The following ANKRD28 variants were observed in gnomAD, a reference collection of about 807,000 sequenced individuals.
ANKRD28 encodes the protein ankyrin repeat domain 28.
A neutral mutation model predicts 126.5 loss-of-function variants in ANKRD28; 44 were observed. The observed-to-expected ratio is 0.35, with a 90% CI of 0.27 to 0.45. The LOEUF (loss-of-function observed/expected upper bound fraction) is 0.45, where lower values mean the gene tolerates loss of function less well. Ranked by LOEUF, ANKRD28 falls within the 20% of genes least tolerant of loss-of-function variation. The probability of loss-of-function intolerance (pLI) is 1.00; values close to 1 mark genes in which losing one functional copy is unlikely to be tolerated. For synonymous variants in ANKRD28, 442 were observed against 468.5 expected (o/e 0.94, Z 0.73); for missense variants, 1,110 against 1,316.6 (o/e 0.84, Z 2.43).
At chr3:15,829,041 T>A (rs930180731) in intron 1 of ANKRD28, among the ~76,000 whole-genome samples, 9 of 152,216 alleles carry the variant, frequency 5.9e-5, no homozygotes, top group African/African-American at 1.7e-4. Flanking sequence ...AGGCTGTTTT[T>A]AAAATTTTTG....
intron 14 of ANKRD28, among the ~76,000 whole-genome samples, chr3:15,703,870 T>C (rs1200583342): frequency 6.6e-6 from 1 of 152,208 alleles, no homozygotes; most frequent in Non-Finnish European, 1.5e-5. Flanking sequence ...TTATAACATA[T>C]ACCAGGACTT....
At chr3:15,680,074 C>T (rs2067378093) in intron 21 of ANKRD28, among the ~76,000 whole-genome samples, 1 of 152,118 alleles carries the variant, frequency 6.6e-6, no homozygotes, top group Admixed American at 6.6e-5. Flanking sequence ...GAAACCAATC[C>T]TCAACAGCAA....
chr3:15,783,166 T>C (rs1378441572), intron 2 of ANKRD28, among the ~76,000 whole-genome samples: 2 of 151,744 alleles, frequency 1.3e-5, no homozygotes. Context: ...CGAGGATTTG[T>C]TTCCAGAACA....
exon 1 of ANKRD28, chr3:15,859,445 CCGCTG>C (rs2061857168): frequency 6.8e-7 from 1 of 1,471,034 alleles, no homozygotes; most frequent in African/African-American, 1.9e-5. Context: ...TCCTCCTCCG[CCGCTG>C]CCGCTGCCGC....
At chr3:15,781,426 A>T (rs2059535250) in intron 2 of ANKRD28, 1 of 152,106 alleles carries the variant, frequency 6.6e-6, no homozygotes, top group Admixed American at 6.6e-5. Context: ...CACAAACAAT[A>T]AGTGAAGTGA....
chr3:15,815,781 G>T lies in ANKRD28; in HGVS notation c.28-20475C>A, dbSNP rs1195146837. Reference sequence around the variant, plus strand: ...ATAAAAATCTGTTATTTCTTCCCTTGTCAAAATTATTTATGAACAAATCAA... The same window carrying T: ...ATAAAAATCTGTTATTTCTTCCCTTTTCAAAATTATTTATGAACAAATCAA... On this transcript the variant is annotated intron_variant, in intron 1 of 27. Transcript: ENST00000399451. This position sits in a 1 kb window ranked among gnomAD's most constrained non-coding sequence, Gnocchi z 4.1. 6.6e-6 allele frequency among the ~76,000 whole-genome samples: 1 copy of T among 152,066 alleles called. No individual in the cohort carries two copies. The highest frequency in any genetic ancestry group is 1.5e-5 in the Non-Finnish European group (1 of 67,992).
chr3:15,734,007 T>C (rs1323151073), intron 6 of ANKRD28, among the ~76,000 whole-genome samples: 2 of 152,198 alleles, frequency 1.3e-5, no homozygotes, highest in African/African-American at 2.4e-5. Flanking sequence ...TATTATACAG[T>C]TGACCCTGGA....
At chr3:15,796,370 A>T (rs2060274414) in intron 1 of ANKRD28, 35 bp downstream of exon 1, 1 of 1,212,928 alleles carries the variant, frequency 8.2e-7, no homozygotes, top group Non-Finnish European at 1.1e-6. Context: ...CTAGTTCAGT[A>T]GAATATAGTA....
intron 2 of ANKRD28, among the ~76,000 whole-genome samples, chr3:15,767,093 C>T (rs898612698): frequency 6.6e-6 from 1 of 152,112 alleles, no homozygotes; most frequent in Non-Finnish European, 1.5e-5. Context: ...AAAATATATT[C>T]ATGTCTGTTT....
intron 27 of ANKRD28, among the ~76,000 whole-genome samples, chr3:15,672,509 T>C (rs1291427925): frequency 1.3e-5 from 2 of 152,236 alleles, no homozygotes; most frequent in East Asian, 3.8e-4. Context: ...ACAACTGATG[T>C]CCTTCCAAGT....
intron 14 of ANKRD28, among the ~76,000 whole-genome samples, chr3:15,705,114 C>A (rs900720853): frequency 6.6e-6 from 1 of 152,174 alleles, no homozygotes; most frequent in Non-Finnish European, 1.5e-5. Context: ...AAGCCTGATA[C>A]TTTCCAGTGT....
intron 1 of ANKRD28, among the ~76,000 whole-genome samples, chr3:15,825,329 T>C (rs1467067989): frequency 1.3e-5 from 2 of 152,226 alleles, no homozygotes; most frequent in African/African-American, 2.4e-5. Context: ...TTCAATACTG[T>C]ACAACGCTAA....
intron 1 of ANKRD28, among the ~76,000 whole-genome samples, chr3:15,828,436 G>C (rs2061117310): frequency 6.6e-6 from 1 of 151,932 alleles, no homozygotes; most frequent in East Asian, 1.9e-4. Context: ...GACATGATAG[G>C]AGTACTTTAG....
At chr3:15,789,120 C>A (rs2059910976) in intron 2 of ANKRD28, among the ~76,000 whole-genome samples, 1 of 152,000 alleles carries the variant, frequency 6.6e-6, no homozygotes, top group South Asian at 2.1e-4. Context: ...CTTATTTTTC[C>A]AAAATTTTGC....
intron 2 of ANKRD28, among the ~76,000 whole-genome samples, chr3:15,771,540 G>A (rs1046936791): frequency 2.0e-5 from 3 of 152,036 alleles, no homozygotes; most frequent in Non-Finnish European, 4.4e-5. Context: ...AGAGAGAGAA[G>A]AGGGGGTGCC....
chr3:15,680,672 A>G (rs573997749), intron 21 of ANKRD28, among the ~76,000 whole-genome samples: 3 of 151,818 alleles, frequency 2.0e-5, no homozygotes, highest in South Asian at 4.2e-4. Flanking sequence ...TATTTTATTA[A>G]AACAATTTTT....
intron 21 of ANKRD28, among the ~76,000 whole-genome samples, 192 bp from the exon 22 acceptor site, chr3:15,679,755 A>T (rs1162795741): frequency 6.6e-6 from 1 of 152,178 alleles, no homozygotes; most frequent in Admixed American, 6.5e-5. Context: ...AGGCATATAC[A>T]ACTGCACGCA....
intron 2 of ANKRD28, among the ~76,000 whole-genome samples, chr3:15,773,653 A>C (rs1233829081): frequency 6.6e-6 from 1 of 152,184 alleles, no homozygotes; most frequent in Non-Finnish European, 1.5e-5. Flanking sequence ...TTGTATGCTG[A>C]AAACTATGAA....
intron 1 of ANKRD28, among the ~76,000 whole-genome samples, chr3:15,851,907 T>C (rs1007766025): frequency 6.6e-6 from 1 of 151,938 alleles, no homozygotes; most frequent in African/African-American, 2.4e-5. Context: ...ATAAAGAAAA[T>C]ATGGTATATC....
Sources: allele counts gnomAD v4.1 joint callset (sites outside exome capture counted in the v4.1 genomes callset), GRCh38; gene constraint gnomAD v4.1.1; non-coding constraint Gnocchi (gnomAD v3.1); transcripts MANE v1.5; gene names NCBI Gene and HGNC (gene_info 2026-07-23, HGNC 2026-07-21).